LHFPL5: variants seen among roughly 807,000 people sequenced by gnomAD.
LHFPL5 encodes LHFPL tetraspan subfamily member 5.
A neutral mutation model predicts 18.7 loss-of-function variants in LHFPL5; 12 were observed. That is an observed-to-expected ratio of 0.64 (90% CI 0.41 to 1.04). LHFPL5 has a LOEUF of 1.04. Ranked by LOEUF, LHFPL5 falls within the 50% of genes least tolerant of loss-of-function variation. LHFPL5 has a pLI of 0.00. For synonymous variants in LHFPL5, 111 were observed against 120.2 expected, an observed-to-expected ratio of 0.92 and a Z score of 0.50; for missense variants, 259 against 292.1, an observed-to-expected ratio of 0.89 and a Z score of 0.83.
intron 2 of LHFPL5, among the ~76,000 whole-genome samples, chr6:35,817,590 A>T (rs1461149365): frequency 6.6e-6 from 1 of 152,234 alleles, no homozygotes; most frequent in Non-Finnish European, 1.5e-5. Context: ...CAAATGGCCA[A>T]TTAGCACACC....
rs1253998165 is a variant in LHFPL5, at chr6:35,814,052, C to T, written c.413-494C>T. On this transcript the variant is annotated intron_variant, in intron 1 of 3. Transcript: ENST00000360215. The surrounding 1 kb of genome is among the most constrained non-coding windows in gnomAD (Gnocchi z 4.2). ...CCTCAGGTGATCTGCCCGCCTCGAC[C>T]TCCCAAAGTGCTGGGATTACAGGTG... 6.6e-6 allele frequency among the ~76,000 whole-genome samples: 1 copy of T among 152,216 alleles called. No individual in the cohort carries two copies. The highest frequency in any genetic ancestry group is 1.5e-5 in the Non-Finnish European group (1 of 68,046).
In LHFPL5 at chr6:35,805,383, G is replaced by T; in HGVS notation, c.-288G>T. 2 of 423,882 alleles carry T rather than the reference G, an allele frequency of 4.7e-6. No homozygotes were observed. Among genetic ancestry groups the T allele is most frequent in the South Asian group, 2.7e-5 (1 of 37,360 alleles). The allele number at this position is 423,882 out of a possible 1,614,324, so 26.3% of individuals were successfully genotyped here. ...AGCCGTGAGCCGGGAAGAGGGAGAC[G>T]GGCAGGGCGGCGCCAGCAGGCCCTG... On this transcript the variant is annotated 5_prime_UTR_variant, in exon 1 of 4. Coordinates refer to ENST00000360215, the MANE Select transcript of LHFPL5 (RefSeq NM_182548.4). This position sits in a 1 kb window ranked among gnomAD's most constrained non-coding sequence, Gnocchi z 4.3.
intron 1 of LHFPL5, among the ~76,000 whole-genome samples, chr6:35,811,022 C>T (rs1039978917): frequency 1.3e-5 from 2 of 151,998 alleles, no homozygotes; most frequent in Non-Finnish European, 2.9e-5. Context: ...CTCCTGGGAC[C>T]CTCGCTAGTG....
intron 1 of LHFPL5, among the ~76,000 whole-genome samples, chr6:35,808,951 C>T (rs2151069551): frequency 6.6e-6 from 1 of 152,246 alleles, no homozygotes; most frequent in South Asian, 2.1e-4. Flanking sequence ...TTCCATTCTG[C>T]TGTGCTGCGG....
chr6:35,816,363 A>AAAAAAAAAAAAAAAG (rs1768761684), intron 2 of LHFPL5, among the ~76,000 whole-genome samples: 1 of 145,754 alleles, frequency 6.9e-6, no homozygotes, highest in African/African-American at 2.5e-5. Context: ...AAAAAAAAAG[A>AAAAAAAAAAAAAAAG]AAAAAAAAGA....
intron 2 of LHFPL5, among the ~76,000 whole-genome samples, chr6:35,815,114 C>G (rs1479606783): frequency 6.6e-6 from 1 of 152,076 alleles, no homozygotes; most frequent in Non-Finnish European, 1.5e-5. Flanking sequence ...AGTAATATTC[C>G]TGGAAGTTTG....
chr6:35,810,164 C>G (rs1233900678), intron 1 of LHFPL5, among the ~76,000 whole-genome samples: 1 of 152,176 alleles, frequency 6.6e-6, no homozygotes, highest in Non-Finnish European at 1.5e-5. Context: ...TCTGGGGTCC[C>G]TTTTATAAGG....
rs1263755400 is a variant in LHFPL5 at position 35,823,826 on chromosome 6, T to C, written c.*861T>C. On this transcript the variant is annotated 3_prime_UTR_variant, in exon 4 of 4. Transcript: ENST00000360215. The stretch of plus-strand genomic sequence containing the variant: ...ACCAGCTTCAGAAATGTGTTACTTA[T>C]GTTCAAGTAATTTGTTATAGGAATA... 3 of 151,880 alleles carry C rather than the reference T, an allele frequency of 2.0e-5. No individual in the cohort carries two copies. Among genetic ancestry groups the C allele is most frequent in the Non-Finnish European group, 2.9e-5 (2 of 67,982 alleles). The allele number at this position is 151,880 out of a possible 1,614,324, so 9.4% of individuals were successfully genotyped here. A position where few individuals can be genotyped will look rare whatever the true frequency, so the allele number is the denominator to read the frequency against.
chr6:35,815,712 A>C (rs956084306), intron 2 of LHFPL5, among the ~76,000 whole-genome samples: 8 of 152,160 alleles, frequency 5.3e-5, no homozygotes, highest in Non-Finnish European at 1.0e-4. Context: ...CTTGAAGCCC[A>C]AAAGGGAAAG....
chr6:35,808,475 G>A (rs1183678946), intron 1 of LHFPL5, among the ~76,000 whole-genome samples: 1 of 144,654 alleles, frequency 6.9e-6, no homozygotes. Context: ...TGGCGAAACT[G>A]TGTCTCTACA....
intron 3 of LHFPL5, among the ~76,000 whole-genome samples, chr6:35,821,352 C>G (rs2151072384): frequency 6.6e-6 from 1 of 150,738 alleles, no homozygotes; most frequent in South Asian, 2.1e-4. Flanking sequence ...TGGGGTGGGT[C>G]TGGGGCCGTA....
chr6:35,820,666 C>G (rs887551850), intron 3 of LHFPL5, among the ~76,000 whole-genome samples: 1 of 151,190 alleles, frequency 6.6e-6, no homozygotes, highest in African/African-American at 2.4e-5. Context: ...TGCCACTGCA[C>G]TCCAGCTTGG....
At chr6:35,811,902 C>T (rs1382854579) in intron 1 of LHFPL5, among the ~76,000 whole-genome samples, 1 of 152,188 alleles carries the variant, frequency 6.6e-6, no homozygotes, top group African/African-American at 2.4e-5. Context: ...TTACATTCAG[C>T]CCCTGGGAGA....
intron 2 of LHFPL5, among the ~76,000 whole-genome samples, chr6:35,815,957 G>A (rs1193755769): frequency 6.6e-6 from 1 of 152,134 alleles, no homozygotes; most frequent in Non-Finnish European, 1.5e-5. Flanking sequence ...GGATCATGAG[G>A]TCAAGAGATC....
At chr6:35,811,614 C>T (rs1026470698) in intron 1 of LHFPL5, among the ~76,000 whole-genome samples, 3 of 152,160 alleles carry the variant, frequency 2.0e-5, no homozygotes, top group African/African-American at 7.2e-5. Context: ...TTCCGGAGCC[C>T]CCACAGGAAG....
intron 2 of LHFPL5, among the ~76,000 whole-genome samples, chr6:35,818,347 A>T (rs1354418123): frequency 0.041 from 209 of 5,080 alleles, 14 homozygotes; most frequent in African/African-American, 0.076. Context: ...ATATATATAT[A>T]TGTATTTTTT....
chr6:35,806,042 C>A lies in LHFPL5; in HGVS notation c.372C>A (p.Ala124=). 1 of 1,614,228 alleles carries A rather than the reference C, an allele frequency of 6.2e-7. No individual in the cohort carries two copies. The highest frequency in any genetic ancestry group is 2.2e-5 in the East Asian group (1 of 44,894). The part of the protein sequence containing the change: ...CFSLFFICNT[A]TVYKICAWMQ... ...GCCTGTTCTTCATCTGCAACACGGC[C>A]ACAGTCTATAAGATCTGTGCATGGA... The change falls in exon 1 of 4, where the codon GCC becomes GCA. Residue 124 remains alanine (A), a synonymous_variant. Transcript: ENST00000360215.
At chr6:35,820,429 G>A (rs1451901133) in intron 3 of LHFPL5, among the ~76,000 whole-genome samples, 3 of 152,074 alleles carry the variant, frequency 2.0e-5, no homozygotes, top group Admixed American at 6.6e-5. Context: ...GACCGGGCGC[G>A]GTGACTCACG....
intron 1 of LHFPL5, among the ~76,000 whole-genome samples, chr6:35,812,212 G>A (rs1768677050): frequency 6.6e-6 from 1 of 152,184 alleles, no homozygotes; most frequent in Admixed American, 6.5e-5. Context: ...TGGGGAGGTG[G>A]GACCCTGATT....
Sources: allele counts gnomAD v4.1 joint callset (sites outside exome capture counted in the v4.1 genomes callset), GRCh38; gene constraint gnomAD v4.1.1; non-coding constraint Gnocchi (gnomAD v3.1); transcripts MANE v1.5; gene names NCBI Gene and HGNC (gene_info 2026-07-23, HGNC 2026-07-21).